Variants in TLL2 observed in about 807,000 individuals in gnomAD.
The protein encoded by TLL2 is tolloid-like protein 2.
In TLL2, 106 loss-of-function variants were observed where a neutral mutation model predicts 123.0. The ratio of observed to expected loss-of-function variants is 0.86; its 90% CI spans 0.74 to 1.01. The LOEUF (loss-of-function observed/expected upper bound fraction) is 1.01. Ranked by LOEUF, TLL2 falls within the 50% of genes least tolerant of loss-of-function variation. TLL2 has a pLI of 0.00. For missense variants in TLL2, 1,332 were observed against 1,336.7 expected (o/e 1.00, Z 0.06); for synonymous variants, 494 against 516.8 (o/e 0.96, Z 0.60).
chr10:96,444,986 G>A (rs1309338478), intron 3 of TLL2, among the ~76,000 whole-genome samples: 2 of 152,146 alleles, frequency 1.3e-5, no homozygotes, highest in African/African-American at 2.4e-5. Context: ...TCAGCAGACC[G>A]AGACCATCCT....
chr10:96,510,534 C>T (rs1272230190), intron 1 of TLL2, among the ~76,000 whole-genome samples: 1 of 152,132 alleles, frequency 6.6e-6, no homozygotes, highest in African/African-American at 2.4e-5. Flanking sequence ...CTAGAAAATC[C>T]ATTTATAAAA....
chr10:96,395,222 A>G lies in TLL2; in HGVS notation c.1691T>C (p.Ile564Thr), dbSNP rs557356354. 6.2e-7 allele frequency: 1 copy of G among 1,610,724 alleles called. No individual in the cohort carries two copies. Among genetic ancestry groups the G allele is most frequent in the Admixed American group, 1.7e-5 (1 of 59,164 alleles). ...LWMKFVSDGS[I>T]NKAGFAANFF... is the part of the protein sequence containing the mutation. ...ATTGGCTGCAAAGCCCGCTTTATTG[A>G]TAGAGCCATCGGACACAAACTTCAT... The change falls in exon 13 of 21, where the codon ATC becomes ACC. Residue 564 changes from isoleucine (I) to threonine (T), a missense_variant. By Grantham distance (89) the Ile-to-Thr change is moderately conservative. Coordinates refer to ENST00000357947, the MANE Select transcript of TLL2 (RefSeq NM_012465.4).
chr10:96,480,424 C>T lies in TLL2; in HGVS notation c.211G>A (p.Asp71Asn). The T allele has an allele frequency of 6.2e-7, 1 of 1,614,188 alleles. No individual in the cohort carries two copies. Among genetic ancestry groups the T allele is most frequent in the South Asian group, 1.1e-5 (1 of 91,074 alleles). Residue 71 changes from aspartate to asparagine, a missense_variant, in exon 2 of 21, where the codon GAC becomes AAC. By Grantham distance (23) the Asp-to-Asn change is conservative. Transcript: ENST00000357947. Reference protein sequence around the residue: ...FWGDIALDEDDLKLFHIDKAR... With the variant: ...FWGDIALDEDNLKLFHIDKAR... ...TTGTCAATGTGAAACAGCTTCAAGT[C>T]ATCTTCATCTAAGGCAATGTCTCCC...
chr10:96,504,723 A>G (rs1847562631), intron 1 of TLL2, among the ~76,000 whole-genome samples: 1 of 152,216 alleles, frequency 6.6e-6, no homozygotes, highest in Admixed American at 6.5e-5. Context: ...ATACTGCCTG[A>G]GGGCCAGGAG....
At chr10:96,390,792 C>T (rs1029532934) in intron 13 of TLL2, among the ~76,000 whole-genome samples, 10 of 152,188 alleles carry the variant, frequency 6.6e-5, no homozygotes, top group East Asian at 3.8e-4. Context: ...CTGTCTGATA[C>T]GGCAGCCCCC....
In TLL2 at chr10:96,397,175, C is replaced by A. The variant is rs781538549; in HGVS notation, c.1384+11G>T. 5.6e-6 allele frequency: 9 copies of A among 1,607,596 alleles called. No homozygotes were observed. Among genetic ancestry groups the A allele is most frequent in the Non-Finnish European group, 7.7e-6 (9 of 1,176,384 alleles). ...GGGGCCACCGAGCAGCTGCTTTCAC[C>A]TCGCACAAACCTTCGTACGCTGCAA... On this transcript the variant is annotated intron_variant, in intron 11 of 20. Coordinates refer to ENST00000357947, the MANE Select transcript of TLL2 (RefSeq NM_012465.4).
At chr10:96,370,361 C>T (rs1410023426) in intron 19 of TLL2, 46 bp from the exon 20 acceptor site, 2 of 1,504,832 alleles carry the variant, frequency 1.3e-6, no homozygotes, top group African/African-American at 1.4e-5. Context: ...AAGACACCCT[C>T]GTGCCTCCCG....
At chr10:96,471,145 T>C (rs1246328860) in intron 2 of TLL2, among the ~76,000 whole-genome samples, 2 of 147,826 alleles carry the variant, frequency 1.4e-5, no homozygotes, top group East Asian at 3.9e-4. Flanking sequence ...GGATTACAGG[T>C]GTTTGCCACC....
At chr10:96,500,308 C>T (rs1847522345) in intron 1 of TLL2, among the ~76,000 whole-genome samples, 1 of 151,128 alleles carries the variant, frequency 6.6e-6, no homozygotes, top group Non-Finnish European at 1.5e-5. Flanking sequence ...ACAGTGAGAC[C>T]CTGTCTCAAA....
Position 96,397,214 on chromosome 10 carries a change from C to CA in TLL2, c.1355dup (p.Leu452PhefsTer32). 1 of 1,613,780 alleles carries CA rather than the reference C, an allele frequency of 6.2e-7. No homozygotes were observed. Among genetic ancestry groups the CA allele is most frequent in the Non-Finnish European group, 8.5e-7 (1 of 1,179,840 alleles). Reference sequence around the variant, plus strand: ...CGTACGCTGCAAAGAAGCCCTTGCCCAAGATGTTGCTGCTGCTGCGGAACT... The same window carrying CA: ...CGTACGCTGCAAAGAAGCCCTTGCCCAAAGATGTTGCTGCTGCTGCGGAACT... On this transcript the variant is annotated frameshift_variant, in exon 11 of 21. Transcript: ENST00000357947. LOFTEE classifies it high-confidence loss of function.
rs1846213486 is a variant in TLL2 at position 96,384,614 on chromosome 10, G to A, written c.2167C>T (p.Arg723Cys). 2 of 1,602,548 alleles carry A rather than the reference G, an allele frequency of 1.2e-6. No individual in the cohort carries two copies. Among genetic ancestry groups the A allele is most frequent in the African/African-American group, 1.3e-5 (1 of 74,750 alleles). Residue 723 changes from arginine (R) to cysteine (C), a missense_variant, in exon 16 of 21, where the codon CGC becomes TGC. By Grantham distance (180) the Arg-to-Cys change is radical (BLOSUM62 -3). Coordinates refer to ENST00000357947, the MANE Select transcript of TLL2 (RefSeq NM_012465.4). The stretch of plus-strand genomic sequence containing the variant: ...GAGAAGAAGTGGGCCCTGAAGCCGC[G>A]CTTGGAGACGGTGTTGTCGGACTTG... ...EFKSDNTVSK[R>C]GFRAHFFSDK...
intron 2 of TLL2, among the ~76,000 whole-genome samples, chr10:96,478,386 G>A (rs191731947): frequency 3.2e-4 from 49 of 152,316 alleles, no homozygotes; most frequent in African/African-American, 1.1e-3. Context: ...CACCCACTTA[G>A]AGCGTAAAGT....
chr10:96,476,438 T>C (rs1475590122), intron 2 of TLL2, among the ~76,000 whole-genome samples: 2 of 151,056 alleles, frequency 1.3e-5, no homozygotes, highest in Non-Finnish European at 2.9e-5. Context: ...TTTTTGTATT[T>C]TTTAGTAGAG....
intron 2 of TLL2, among the ~76,000 whole-genome samples, chr10:96,449,943 C>T (rs1475467992): frequency 6.6e-6 from 1 of 152,208 alleles, no homozygotes; most frequent in Admixed American, 6.5e-5. Context: ...GTTCCCACAG[C>T]CCCTGGCCTT....
In TLL2 at chr10:96,365,177, T is replaced by C. The variant is rs1471754398; in HGVS notation, c.*2911A>G. The C allele has an allele frequency of 2.0e-5, 3 of 152,232 alleles. No individual in the cohort carries two copies. The highest frequency in any genetic ancestry group is 1.3e-4 in the Admixed American group (2 of 15,280). 9.4% of individuals were successfully genotyped at this position (152,232 alleles called of 1,614,324 possible). ...TTTACGAATTTGTGTCGGGCCATAT[T>C]CAAAGCCGTCCTGGGCCAAGGGTTG... On this transcript the variant is annotated 3_prime_UTR_variant, in exon 21 of 21. Coordinates refer to ENST00000357947, the MANE Select transcript of TLL2 (RefSeq NM_012465.4).
At chr10:96,398,543 T>C (rs928387514) in intron 10 of TLL2, among the ~76,000 whole-genome samples, 21 of 152,248 alleles carry the variant, frequency 1.4e-4, no homozygotes, top group African/African-American at 4.3e-4. Context: ...AATACATTTG[T>C]ATTTTCTTAG....
intron 13 of TLL2, among the ~76,000 whole-genome samples, chr10:96,391,589 T>C (rs1846289339): frequency 6.6e-6 from 1 of 152,202 alleles, no homozygotes; most frequent in Non-Finnish European, 1.5e-5. Context: ...CCAGCCATGT[T>C]AGGAATTCAG....
At chr10:96,513,211 G>A (rs1178277191) in intron 1 of TLL2, among the ~76,000 whole-genome samples, 1 of 152,160 alleles carries the variant, frequency 6.6e-6, no homozygotes, top group African/African-American at 2.4e-5. Flanking sequence ...GCTGTCAGGC[G>A]GCCCTGGCAC....
At chr10:96,414,258 C>T (rs1181166201) in intron 7 of TLL2, among the ~76,000 whole-genome samples, 1 of 152,148 alleles carries the variant, frequency 6.6e-6, no homozygotes, top group Non-Finnish European at 1.5e-5. Flanking sequence ...CAGTCACCAC[C>T]TTGTTTTTTT....
Sources: gnomAD v4.1 joint callset for allele counts (sites outside exome capture counted in the v4.1 genomes callset) on GRCh38, gnomAD v4.1.1 for gene constraint, MANE v1.5 for transcripts, NCBI Gene and HGNC (gene_info 2026-07-23, HGNC 2026-07-21) for gene names.